Variants in SYCP2L observed in about 807,000 individuals in gnomAD.
SYCP2L encodes synaptonemal complex protein 2 like, also known as synaptonemal complex protein 2-like.
SYCP2L carries 98 observed loss-of-function variants against 125.8 expected under a neutral mutation model. The observed-to-expected ratio is 0.78, with a 90% CI of 0.66 to 0.92. SYCP2L has a LOEUF of 0.92. Among genes scored for constraint, SYCP2L ranks in the 40% least tolerant of loss-of-function variants. SYCP2L has a pLI of 0.00. For missense variants in SYCP2L, 842 were observed against 936.4 expected, an observed-to-expected ratio of 0.90 and a Z score of 1.32; for synonymous variants, 317 against 325.4, an observed-to-expected ratio of 0.97 and a Z score of 0.28.
At chr6:10,968,103 TC>T (rs1466888649) in intron 29 of SYCP2L, among the ~76,000 whole-genome samples, 2 of 152,190 alleles carry the variant, frequency 1.3e-5, no homozygotes, top group Non-Finnish European at 2.9e-5. Flanking sequence ...GATGGGCATT[TC>T]CAGTGGATAA....
chr6:10,887,060 A>T lies in SYCP2L; in HGVS notation c.-67A>T. On this transcript the variant is annotated 5_prime_UTR_variant, in exon 1 of 30. Coordinates refer to ENST00000283141, the MANE Select transcript of SYCP2L (RefSeq NM_001040274.3). ...GGGCGGGGCTCTTGGGCGGGGAAGC[A>T]GGAGAGGGCCGACCGAGCGCAACAA... 1 of 1,608,054 alleles carries T rather than the reference A, an allele frequency of 6.2e-7. No individual in the cohort carries two copies. Among genetic ancestry groups the T allele is most frequent in the South Asian group, 1.1e-5 (1 of 90,788 alleles).
intron 1 of SYCP2L, among the ~76,000 whole-genome samples, chr6:10,889,981 C>T (rs910875603): frequency 9.9e-5 from 15 of 152,128 alleles, no homozygotes; most frequent in South Asian, 4.1e-4. Flanking sequence ...GTCTGTGCCC[C>T]GCTTATTTCA....
At chr6:10,924,415 G>T (rs41267943) in intron 14 of SYCP2L, 81 bp from the exon 15 acceptor site, 5 of 1,158,356 alleles carry the variant, frequency 4.3e-6, no homozygotes, top group East Asian at 5.6e-5. Context: ...ATACCCTAGC[G>T]TAGTTATTTA....
At position 10,958,769 on chromosome 6, in the gene SYCP2L, G is replaced by A. The variant is rs562859726; in HGVS notation, c.2164-15G>A. The A allele has an allele frequency of 6.2e-6, 10 of 1,601,456 alleles. No individual in the cohort carries two copies. In the African/African-American group the frequency reaches 1.3e-4, roughly 22 times the overall value. On this transcript the variant is annotated splice_polypyrimidine_tract_variant and intron_variant, in intron 25 of 29. Coordinates refer to ENST00000283141, the MANE Select transcript of SYCP2L (RefSeq NM_001040274.3). The stretch of plus-strand genomic sequence containing the variant: ...TATTAAATGTGATCATCTTGTTATT[G>A]TTGTTATGATTTAGCTTAGGTACAG...
rs368476200 is a variant in SYCP2L at position 10,887,138 on chromosome 6, G to T, written c.9+3G>T. The T allele has an allele frequency of 1.2e-5, 20 of 1,614,030 alleles. No homozygotes were observed. The East Asian group carries it at 4.5e-4, about 36-fold the overall frequency. ...GAAGAAGCCTCGTTATGCAAGCGGTGAGTGACCCCCGAAGGGCCCGGACCT... is the reference window on the plus strand; with the variant it reads ...GAAGAAGCCTCGTTATGCAAGCGGTTAGTGACCCCCGAAGGGCCCGGACCT... On this transcript the variant is annotated splice_donor_region_variant and intron_variant, in intron 1 of 29. Transcript: ENST00000283141.
At chr6:10,897,988 T>TA in intron 4 of SYCP2L, 23 bp from the exon 5 acceptor site, 1 of 1,507,884 alleles carries the variant, frequency 6.6e-7, no homozygotes, top group Non-Finnish European at 9.2e-7. Context: ...CTTATGTAGT[T>TA]ACGTTAGTGT....
At chr6:10,931,373 G>A (rs1010109099) in intron 19 of SYCP2L, 67 bp from the exon 20 acceptor site, 2 of 1,493,728 alleles carry the variant, frequency 1.3e-6, no homozygotes, top group Non-Finnish European at 1.9e-6. Context: ...ATTGGGAGAC[G>A]GAGTAGAGAA....
chr6:10,945,399 C>T (rs552824787), intron 23 of SYCP2L, among the ~76,000 whole-genome samples: 11 of 152,198 alleles, frequency 7.2e-5, no homozygotes, highest in South Asian at 4.1e-4. Flanking sequence ...TAAAAACTTT[C>T]GCTATGATTG....
At chr6:10,942,574 TATC>T in intron 22 of SYCP2L, 45 bp downstream of exon 22, 1 of 1,577,242 alleles carries the variant, frequency 6.3e-7, no homozygotes. Flanking sequence ...CCAGAATTAA[TATC>T]ATATTTGCAT....
At chr6:10,926,243 A>T in intron 15 of SYCP2L, 96 bp from the exon 16 acceptor site, 2 of 862,090 alleles carry the variant, frequency 2.3e-6, no homozygotes, top group Non-Finnish European at 3.7e-6. Flanking sequence ...CTTCTGATTT[A>T]TCAGTGTGTT....
At chr6:10,973,491 C>T (rs1218216501) in intron 29 of SYCP2L, among the ~76,000 whole-genome samples, 1 of 152,180 alleles carries the variant, frequency 6.6e-6, no homozygotes, top group Non-Finnish European at 1.5e-5. Flanking sequence ...AAGATTGTGC[C>T]ACTGCACTCC....
chr6:10,969,517 C>T (rs780525095), intron 29 of SYCP2L, among the ~76,000 whole-genome samples: 11 of 151,758 alleles, frequency 7.2e-5, no homozygotes, highest in Admixed American at 1.3e-4. Flanking sequence ...CCCGCCACCA[C>T]GCCCAGCTAA....
At chr6:10,898,762 A>G (rs886462588) in intron 5 of SYCP2L, 62 bp from the exon 6 acceptor site, 92 of 1,103,152 alleles carry the variant, frequency 8.3e-5, no homozygotes, top group Middle Eastern at 6.0e-4. Flanking sequence ...ATACATTCAC[A>G]TTACGGTTTA....
chr6:10,958,959 C>A, intron 26 of SYCP2L, 84 bp downstream of exon 26: 1 of 1,219,982 alleles, frequency 8.2e-7, no homozygotes, highest in East Asian at 2.4e-5. Flanking sequence ...TGCTAGGGCC[C>A]TGAGGAGTTG....
intron 29 of SYCP2L, among the ~76,000 whole-genome samples, chr6:10,965,882 G>A (rs1251311702): frequency 6.6e-6 from 1 of 152,184 alleles, no homozygotes; most frequent in Admixed American, 6.5e-5. Context: ...GGAGGCCAAG[G>A]CGGGTGAATC....
In SYCP2L at chr6:10,928,448, C is replaced by T; in HGVS notation, c.1486C>T (p.Pro496Ser). Residue 496 changes from proline (P) to serine (S), a missense_variant and splice_region_variant, in exon 18 of 30, where the codon CCT (proline) becomes TCT (serine). Coordinates refer to ENST00000283141, the MANE Select transcript of SYCP2L (RefSeq NM_001040274.3). ...PFGVPDFPQQPKSHYRKHLFS... is the reference protein window; with the variant it reads ...PFGVPDFPQQSKSHYRKHLFS... ...CGGGGTCCCTGACTTCCCGCAACAA[C>T]CTGTGAGTACAGGGAGTGGGGCTCA... 1 of 1,589,696 alleles carries T rather than the reference C, an allele frequency of 6.3e-7. No homozygotes were observed. Among genetic ancestry groups the T allele is most frequent in the Non-Finnish European group, 8.6e-7 (1 of 1,169,314 alleles).
At chr6:10,924,422 T>C (rs1313668517) in intron 14 of SYCP2L, 74 bp from the exon 15 acceptor site, 3 of 1,273,856 alleles carry the variant, frequency 2.4e-6, no homozygotes, top group Non-Finnish European at 3.1e-6. Flanking sequence ...AGCGTAGTTA[T>C]TTAAAATGAT....
At chr6:10,969,358 CTTT>C (rs534262433) in intron 29 of SYCP2L, among the ~76,000 whole-genome samples, 5 of 105,016 alleles carry the variant, frequency 4.8e-5, no homozygotes, top group Non-Finnish European at 3.8e-5. Context: ...AGGAAATTAT[CTTT>C]TTTTTTTTTT....
At chr6:10,938,072 A>G (rs1313428436) in intron 21 of SYCP2L, among the ~76,000 whole-genome samples, 3 of 152,204 alleles carry the variant, frequency 2.0e-5, no homozygotes, top group Admixed American at 6.5e-5. Context: ...TGAGGCCAGC[A>G]TTACCCTCTT....
Sources: allele counts gnomAD v4.1 joint callset (sites outside exome capture counted in the v4.1 genomes callset), GRCh38; gene constraint gnomAD v4.1.1; transcripts MANE v1.5; gene names NCBI Gene and HGNC (gene_info 2026-07-23, HGNC 2026-07-21).